The following PHACTR1 variants were observed in gnomAD, a reference collection of about 807,000 sequenced individuals.
PHACTR1 encodes the protein RPEL repeat containing 1.
Under a neutral mutation model 69.2 loss-of-function variants are expected in PHACTR1, and 16 were observed. The observed-to-expected ratio is 0.23, with a 90% CI of 0.16 to 0.35. The LOEUF is 0.35. Ranked by LOEUF, PHACTR1 falls within the 10% of genes least tolerant of loss-of-function variation. The probability of loss-of-function intolerance (pLI) is 1.00; values close to 1 mark genes in which losing one functional copy is unlikely to be tolerated. For synonymous variants in PHACTR1, 312 were observed against 284.5 expected, an observed-to-expected ratio of 1.10 and a Z score of -0.97; for missense variants, 510 against 734.7, an observed-to-expected ratio of 0.69 and a Z score of 3.54.
At chr6:13,267,398 A>G (rs1004881900) in intron 10 of PHACTR1, 1 of 152,386 alleles carries the variant, frequency 6.6e-6, no homozygotes, top group South Asian at 2.1e-4. Flanking sequence ...AATAGAGTCA[A>G]TGCAGAACCA....
chr6:12,771,191 T>G (rs931235437), intron 4 of PHACTR1, among the ~76,000 whole-genome samples: 3 of 151,960 alleles, frequency 2.0e-5, no homozygotes, highest in Non-Finnish European at 4.4e-5. Flanking sequence ...AAGGCTTGAG[T>G]TAGAGCAGTA....
chr6:12,805,551 T>G (rs1774205155), intron 4 of PHACTR1, among the ~76,000 whole-genome samples: 1 of 152,120 alleles, frequency 6.6e-6, no homozygotes, highest in Admixed American at 6.6e-5. Context: ...CTACTAATTG[T>G]CAACTTGAAT....
At chr6:13,102,613 C>G (rs1050287155) in intron 5 of PHACTR1, among the ~76,000 whole-genome samples, 4 of 152,158 alleles carry the variant, frequency 2.6e-5, no homozygotes, top group African/African-American at 7.2e-5. Flanking sequence ...ACAGAGCAAC[C>G]AAGCCTGTTG....
At chr6:12,760,331 G>T (rs1767885571) in intron 4 of PHACTR1, among the ~76,000 whole-genome samples, 1 of 152,152 alleles carries the variant, frequency 6.6e-6, no homozygotes, top group Non-Finnish European at 1.5e-5. Flanking sequence ...AAATGAGAAA[G>T]GAAGTCACCC....
intron 6 of PHACTR1, among the ~76,000 whole-genome samples, chr6:13,173,618 C>T (rs114141182): frequency 0.019 from 2,965 of 152,296 alleles, 45 homozygotes; most frequent in South Asian, 0.083. Context: ...TACTGACTAT[C>T]GGGGCAACTG....
intron 10 of PHACTR1, among the ~76,000 whole-genome samples, chr6:13,255,955 T>G (rs1775129473): frequency 6.6e-6 from 1 of 151,822 alleles, no homozygotes; most frequent in African/African-American, 2.4e-5. Flanking sequence ...GGGGACTCTG[T>G]GGGGGGGGCT....
intron 3 of PHACTR1, among the ~76,000 whole-genome samples, chr6:12,748,700 G>A (rs1260124541): frequency 6.6e-6 from 1 of 152,144 alleles, no homozygotes; most frequent in Non-Finnish European, 1.5e-5. Flanking sequence ...ATGTTGCCAG[G>A]TTGTAGAGGC....
intron 5 of PHACTR1, among the ~76,000 whole-genome samples, chr6:13,081,242 A>T (rs763316079): frequency 6.6e-6 from 1 of 152,166 alleles, no homozygotes; most frequent in Non-Finnish European, 1.5e-5. Context: ...TTCTACTAGA[A>T]GATGAACTCC....
At chr6:12,819,730 A>T (rs1286439402) in intron 4 of PHACTR1, among the ~76,000 whole-genome samples, 1 of 152,214 alleles carries the variant, frequency 6.6e-6, no homozygotes, top group African/African-American at 2.4e-5. Flanking sequence ...CCATGTCCAG[A>T]ATCATTCAAA....
chr6:13,000,664 A>G (rs1266315561), intron 4 of PHACTR1, among the ~76,000 whole-genome samples: 11 of 11,506 alleles, frequency 9.6e-4, no homozygotes, highest in African/African-American at 6.4e-3. Flanking sequence ...AGGAAGGGGA[A>G]GGAAGGAAGG....
At chr6:12,799,790 A>C (rs1029473979) in intron 4 of PHACTR1, among the ~76,000 whole-genome samples, 14 of 152,228 alleles carry the variant, frequency 9.2e-5, no homozygotes, top group Non-Finnish European at 1.9e-4. Flanking sequence ...GTGGATTCTT[A>C]TAGAATTTTT....
At position 13,134,215 on chromosome 6, in the gene PHACTR1, C is replaced by A. The variant is rs182539793; in HGVS notation, c.416-25989C>A. Among the ~76,000 whole-genome samples, 309 of 148,820 alleles carry A rather than the reference C, an allele frequency of 2.1e-3. 3 individuals carry two copies. Among genetic ancestry groups the A allele is most frequent in the African/African-American group, 7.2e-3 (291 of 40,318 alleles). ...CGTCCCGGAGGGAGGTAGGGGGCAG[C>A]CCCCGCCCCGCCAGCCGCCCTGTCC... On this transcript the variant is annotated intron_variant, in intron 5 of 14. Transcript: ENST00000332995.
intron 5 of PHACTR1, among the ~76,000 whole-genome samples, chr6:13,085,256 C>T (rs1261824360): frequency 6.6e-6 from 1 of 151,862 alleles, no homozygotes; most frequent in Non-Finnish European, 1.5e-5. Flanking sequence ...ATGAAGAGTT[C>T]TCACTAAACT....
chr6:12,758,796 G>C (rs1209783274), intron 4 of PHACTR1, among the ~76,000 whole-genome samples: 1 of 152,062 alleles, frequency 6.6e-6, no homozygotes. Flanking sequence ...AGAAGAGATG[G>C]AACTAGGAAT....
chr6:13,271,378 T>C (rs80251307), intron 10 of PHACTR1, among the ~76,000 whole-genome samples: 5,000 of 152,190 alleles, frequency 0.033, 267 homozygotes, highest in African/African-American at 0.11. Flanking sequence ...ATATGAGACA[T>C]TGAAGCCCAT....
At chr6:13,075,312 G>A (rs776993446) in intron 5 of PHACTR1, among the ~76,000 whole-genome samples, 19 of 152,276 alleles carry the variant, frequency 1.2e-4, no homozygotes, top group Admixed American at 1.1e-3. Flanking sequence ...CCAAGGTCGC[G>A]TGGCTCTTAA....
rs566931547 is a variant in PHACTR1, at chr6:13,148,184, T to G, written c.416-12020T>G. ...GATTCATTTGTGTGTTTACTGGTTT[T>G]TTTTTTTTTTGAAAATTTGCAAACA... On this transcript the variant is annotated intron_variant, in intron 5 of 14. Transcript: ENST00000332995. 9.9e-5 allele frequency among the ~76,000 whole-genome samples: 15 copies of G among 151,946 alleles called. No individual in the cohort carries two copies. The East Asian group carries it at 2.7e-3, about 27-fold the overall frequency.
At chr6:12,792,041 AAAG>A (rs1470757151) in intron 4 of PHACTR1, among the ~76,000 whole-genome samples, 3 of 152,234 alleles carry the variant, frequency 2.0e-5, no homozygotes, top group Non-Finnish European at 4.4e-5. Flanking sequence ...ACAGCATCCC[AAAG>A]AAGATGTTAG....
intron 5 of PHACTR1, among the ~76,000 whole-genome samples, chr6:13,093,546 G>C (rs1446181660): frequency 1.3e-5 from 2 of 152,112 alleles, no homozygotes; most frequent in Admixed American, 6.5e-5. Flanking sequence ...CACATTTCAG[G>C]CCAATTTAGT....
Sources: gnomAD v4.1 joint callset for allele counts (sites outside exome capture counted in the v4.1 genomes callset) on GRCh38, gnomAD v4.1.1 for gene constraint, MANE v1.5 for transcripts, NCBI Gene and HGNC (gene_info 2026-07-23, HGNC 2026-07-21) for gene names.